The following NCKAP5 variants were observed in gnomAD, a reference collection of about 807,000 sequenced individuals.
NCKAP5 encodes nck-associated protein 5.
A neutral mutation model predicts 167.0 loss-of-function variants in NCKAP5; 92 were observed. That is an observed-to-expected ratio of 0.55 (90% CI 0.47 to 0.66). NCKAP5 has a LOEUF of 0.66. Among genes scored for constraint, NCKAP5 ranks in the 30% least tolerant of loss-of-function variants. The pLI is 0.00. For synonymous variants in NCKAP5, 891 were observed against 877.4 expected (o/e 1.02, Z -0.27); for missense variants, 2,378 against 2,315.0 (o/e 1.03, Z -0.56).
At chr2:133,007,179 C>T (rs2077998839) in intron 6 of NCKAP5, among the ~76,000 whole-genome samples, 1 of 152,172 alleles carries the variant, frequency 6.6e-6, no homozygotes, top group Non-Finnish European at 1.5e-5. Flanking sequence ...ATTTCCTGAG[C>T]CTCAGTTACC....
At chr2:133,548,756 A>C (rs980458901) in intron 2 of NCKAP5, among the ~76,000 whole-genome samples, 1 of 152,234 alleles carries the variant, frequency 6.6e-6, no homozygotes, top group Non-Finnish European at 1.5e-5. Flanking sequence ...AAAAACCGGT[A>C]CCAGCCGCTG....
chr2:132,802,774 A>G (rs1383962897), intron 11 of NCKAP5, among the ~76,000 whole-genome samples: 1 of 152,208 alleles, frequency 6.6e-6, no homozygotes, highest in Non-Finnish European at 1.5e-5. Flanking sequence ...AGCCTGATGA[A>G]AACAATTTTT....
intron 9 of NCKAP5, among the ~76,000 whole-genome samples, chr2:132,870,631 A>G (rs932262339): frequency 1.3e-4 from 19 of 151,790 alleles, no homozygotes; most frequent in Admixed American, 1.1e-3. Context: ...CTTACAGTCA[A>G]CGGGAGACTG....
intron 5 of NCKAP5, among the ~76,000 whole-genome samples, chr2:133,195,892 T>C (rs2085415564): frequency 1.3e-5 from 2 of 152,088 alleles, no homozygotes; most frequent in South Asian, 2.1e-4. Context: ...GAGTCAAGAT[T>C]ATAAATTTTA....
chr2:133,178,829 C>CAAAA (rs66552853), intron 5 of NCKAP5, among the ~76,000 whole-genome samples: 6 of 58,814 alleles, frequency 1.0e-4, no homozygotes, highest in Admixed American at 2.5e-4. Context: ...GACTCCGTCT[C>CAAAA]AAAAAAAAAA....
At chr2:133,314,045 C>G (rs1681435178) in intron 3 of NCKAP5, among the ~76,000 whole-genome samples, 1 of 152,310 alleles carries the variant, frequency 6.6e-6, no homozygotes, top group South Asian at 2.1e-4. Flanking sequence ...ATTTCATTCA[C>G]TACAGTATAT....
chr2:132,994,881 A>T (rs922158177), intron 6 of NCKAP5, among the ~76,000 whole-genome samples: 8 of 152,240 alleles, frequency 5.3e-5, no homozygotes, highest in Non-Finnish European at 8.8e-5. Flanking sequence ...CTAGGCTACA[A>T]ACCTGTATAA....
chr2:133,560,386 G>A (rs544518183), intron 1 of NCKAP5, among the ~76,000 whole-genome samples: 74 of 152,326 alleles, frequency 4.9e-4, no homozygotes, highest in Non-Finnish European at 9.3e-4. Flanking sequence ...AGCCTAGATG[G>A]GGAGATGTTC....
At chr2:133,058,930 C>T (rs1266468876) in intron 6 of NCKAP5, among the ~76,000 whole-genome samples, 1 of 152,178 alleles carries the variant, frequency 6.6e-6, no homozygotes, top group Non-Finnish European at 1.5e-5. Context: ...TTTAACCTTG[C>T]TCAAGTTTCA....
At chr2:133,325,460 T>C (rs1253070240) in intron 3 of NCKAP5, among the ~76,000 whole-genome samples, 1 of 152,310 alleles carries the variant, frequency 6.6e-6, no homozygotes, top group South Asian at 2.1e-4. Flanking sequence ...TCCTGAGGGA[T>C]TTCCATGTAC....
intron 3 of NCKAP5, among the ~76,000 whole-genome samples, chr2:133,438,119 C>T (rs1304210301): frequency 6.6e-6 from 1 of 152,166 alleles, no homozygotes; most frequent in African/African-American, 2.4e-5. Context: ...AACCTAAGTC[C>T]ATACCTTGCC....
At chr2:133,421,552 C>T (rs1039516035) in intron 3 of NCKAP5, among the ~76,000 whole-genome samples, 14 of 152,108 alleles carry the variant, frequency 9.2e-5, no homozygotes, top group African/African-American at 2.9e-4. Flanking sequence ...TCAGTCTGAG[C>T]TATATACAAG....
chr2:133,354,301 T>C (rs1233843031), intron 3 of NCKAP5, among the ~76,000 whole-genome samples: 1 of 151,822 alleles, frequency 6.6e-6, no homozygotes, highest in African/African-American at 2.4e-5. Flanking sequence ...TTCCTTTTTT[T>C]TTTTGAGACA....
At chr2:133,499,669 C>T (rs1015041087) in intron 3 of NCKAP5, among the ~76,000 whole-genome samples, 5 of 152,286 alleles carry the variant, frequency 3.3e-5, no homozygotes, top group African/African-American at 1.2e-4. Flanking sequence ...AAGTGATTCT[C>T]CTGCATCAGC....
At chr2:132,988,880 C>T (rs2077372851) in intron 7 of NCKAP5, among the ~76,000 whole-genome samples, 1 of 152,176 alleles carries the variant, frequency 6.6e-6, no homozygotes, top group Non-Finnish European at 1.5e-5. Flanking sequence ...ACTCTAAATT[C>T]CCTTCTTTTA....
At chr2:133,062,280 A>C (rs1373937260) in intron 6 of NCKAP5, among the ~76,000 whole-genome samples, 1 of 152,158 alleles carries the variant, frequency 6.6e-6, no homozygotes, top group African/African-American at 2.4e-5. Flanking sequence ...ACAAACAAAA[A>C]CCAAAAAGTT....
At chr2:132,915,224 G>A (rs1694773613) in intron 8 of NCKAP5, among the ~76,000 whole-genome samples, 1 of 152,026 alleles carries the variant, frequency 6.6e-6, no homozygotes, top group Non-Finnish European at 1.5e-5. Flanking sequence ...TCATGGGGAA[G>A]GAAGTCTGAA....
chr2:133,556,670 T>C (rs1475207836), intron 2 of NCKAP5: 1 of 152,236 alleles, frequency 6.6e-6, no homozygotes, highest in Non-Finnish European at 1.5e-5. Context: ...AGAATCTTTC[T>C]TTTTTATTTC....
intron 3 of NCKAP5, among the ~76,000 whole-genome samples, chr2:133,373,614 A>T (rs1226174509): frequency 1.3e-5 from 2 of 152,174 alleles, no homozygotes; most frequent in Non-Finnish European, 2.9e-5. Flanking sequence ...AAAAATATCG[A>T]AGGAGATGAA....
Sources: gnomAD v4.1 joint callset for allele counts (sites outside exome capture counted in the v4.1 genomes callset) on GRCh38, gnomAD v4.1.1 for gene constraint, MANE v1.5 for transcripts, NCBI Gene and HGNC (gene_info 2026-07-23, HGNC 2026-07-21) for gene names.